Variants in LHFPL6 observed in about 807,000 individuals in gnomAD.
The protein encoded by LHFPL6 is LHFPL tetraspan subfamily member 6 protein.
LHFPL6 carries 9 observed loss-of-function variants against 20.6 expected under a neutral mutation model. That is an observed-to-expected ratio of 0.44 (90% CI 0.26 to 0.76). The LOEUF (loss-of-function observed/expected upper bound fraction) is 0.76, where lower values mean the gene tolerates loss of function less well. LHFPL6 is among the 30% of genes least tolerant of loss of function. The pLI, the probability that LHFPL6 is intolerant of heterozygous loss-of-function variation, is 0.20. For synonymous variants in LHFPL6, 105 were observed against 98.7 expected (o/e 1.06, Z -0.38); for missense variants, 218 against 253.5 (o/e 0.86, Z 0.95).
intron 2 of LHFPL6, among the ~76,000 whole-genome samples, chr13:39,497,570 T>C (rs756305218): frequency 1.3e-5 from 2 of 152,194 alleles, no homozygotes; most frequent in Non-Finnish European, 2.9e-5. Flanking sequence ...TATTCCTCTC[T>C]AGCAGTAAGA....
At chr13:39,421,147 T>C (rs577060528) in intron 2 of LHFPL6, among the ~76,000 whole-genome samples, 5 of 152,296 alleles carry the variant, frequency 3.3e-5, no homozygotes, top group African/African-American at 1.2e-4. Context: ...TTTACTCTCC[T>C]GTTATATCCC....
intron 2 of LHFPL6, among the ~76,000 whole-genome samples, chr13:39,431,549 T>C (rs2138405192): frequency 6.6e-6 from 1 of 152,288 alleles, no homozygotes. Context: ...TTCTTATTAC[T>C]TTGATGTCTA....
intron 2 of LHFPL6, among the ~76,000 whole-genome samples, chr13:39,401,820 A>C (rs1461480296): frequency 2.0e-5 from 3 of 152,230 alleles, no homozygotes; most frequent in African/African-American, 7.2e-5. Context: ...GCTGCTCCCC[A>C]GTAATGCCCT....
At chr13:39,346,630 A>AT (rs947340007) in intron 3 of LHFPL6, among the ~76,000 whole-genome samples, 1 of 152,088 alleles carries the variant, frequency 6.6e-6, no homozygotes, top group Non-Finnish European at 1.5e-5. Context: ...ACGCCCGATC[A>AT]TCCCCCAGGC....
At chr13:39,347,921 G>A (rs1869452356) in intron 3 of LHFPL6, among the ~76,000 whole-genome samples, 2 of 152,110 alleles carry the variant, frequency 1.3e-5, no homozygotes, top group South Asian at 4.1e-4. Context: ...ATAGTTCTAT[G>A]ACCTAACATG....
chr13:39,401,226 GCA>G (rs961223887), intron 2 of LHFPL6, among the ~76,000 whole-genome samples: 3 of 152,076 alleles, frequency 2.0e-5, no homozygotes, highest in East Asian at 3.9e-4. Context: ...TTAGAAATGC[GCA>G]CACAGACACC....
chr13:39,592,708 A>G (rs539964044), intron 2 of LHFPL6, among the ~76,000 whole-genome samples: 192 of 152,342 alleles, frequency 1.3e-3, no homozygotes, highest in Admixed American at 2.7e-3. Context: ...ATGAACATAG[A>G]TGCAAAATTC....
intron 2 of LHFPL6, among the ~76,000 whole-genome samples, chr13:39,592,047 G>A (rs1872618922): frequency 6.7e-6 from 1 of 148,344 alleles, no homozygotes; most frequent in Non-Finnish European, 1.5e-5. Flanking sequence ...AGTGAGCCGA[G>A]ATCACACCAT....
intron 3 of LHFPL6, among the ~76,000 whole-genome samples, chr13:39,361,736 C>A (rs1297296886): frequency 1.3e-5 from 2 of 152,170 alleles, no homozygotes; most frequent in South Asian, 2.1e-4. Flanking sequence ...AGTTCCATTT[C>A]TTTTATTAAT....
chr13:39,374,311 T>C (rs1870232410), intron 3 of LHFPL6, among the ~76,000 whole-genome samples: 2 of 152,080 alleles, frequency 1.3e-5, no homozygotes, highest in Admixed American at 1.3e-4. Flanking sequence ...TTTATATTAA[T>C]AAGTGGGAGC....
At chr13:39,431,078 C>T (rs1393082543) in intron 2 of LHFPL6, among the ~76,000 whole-genome samples, 1 of 152,112 alleles carries the variant, frequency 6.6e-6, no homozygotes, top group Non-Finnish European at 1.5e-5. Context: ...AAAACAACTC[C>T]AGACACGCCA....
chr13:39,358,752 C>G (rs1422023835), intron 3 of LHFPL6, among the ~76,000 whole-genome samples: 2 of 152,140 alleles, frequency 1.3e-5, no homozygotes, highest in African/African-American at 4.8e-5. Flanking sequence ...AAACTTCTCA[C>G]AAGAAGATAT....
chr13:39,386,416 C>T (rs1478561542), intron 2 of LHFPL6, among the ~76,000 whole-genome samples: 1 of 152,186 alleles, frequency 6.6e-6, no homozygotes, highest in Non-Finnish European at 1.5e-5. Context: ...GTAAACCACA[C>T]CTCCTATCAA....
At chr13:39,430,170 T>C (rs925515245) in intron 2 of LHFPL6, among the ~76,000 whole-genome samples, 9 of 152,212 alleles carry the variant, frequency 5.9e-5, no homozygotes, top group African/African-American at 1.9e-4. Context: ...CCTTTAGGAC[T>C]GAACCACTCA....
chr13:39,485,643 T>C (rs138599601), intron 2 of LHFPL6, among the ~76,000 whole-genome samples: 399 of 152,216 alleles, frequency 2.6e-3, no homozygotes, highest in African/African-American at 8.7e-3. Flanking sequence ...CCACTATGAA[T>C]AATCAAGAGC....
At chr13:39,480,631 G>C (rs1868479318) in intron 2 of LHFPL6, among the ~76,000 whole-genome samples, 1 of 152,098 alleles carries the variant, frequency 6.6e-6, no homozygotes, top group South Asian at 2.1e-4. Flanking sequence ...CCCTCTCATG[G>C]GGACTCCTTG....
At chr13:39,348,626 C>A (rs1365460172) in intron 3 of LHFPL6, among the ~76,000 whole-genome samples, 1 of 152,172 alleles carries the variant, frequency 6.6e-6, no homozygotes, top group Non-Finnish European at 1.5e-5. Flanking sequence ...TCTCAGGATG[C>A]ACTCTGGGGA....
At chr13:39,487,687 G>A (rs1868771524) in intron 2 of LHFPL6, among the ~76,000 whole-genome samples, 1 of 152,160 alleles carries the variant, frequency 6.6e-6, no homozygotes, top group Non-Finnish European at 1.5e-5. Flanking sequence ...TTATTTTGTG[G>A]ACAAGACTTT....
chr13:39,482,382 G>T (rs1195159699), intron 2 of LHFPL6, among the ~76,000 whole-genome samples: 1 of 151,940 alleles, frequency 6.6e-6, no homozygotes, highest in African/African-American at 2.4e-5. Flanking sequence ...GGTGGAGGTT[G>T]TGGTGAGCCA....
Sources: allele counts gnomAD v4.1 joint callset (sites outside exome capture counted in the v4.1 genomes callset), GRCh38; gene constraint gnomAD v4.1.1; transcripts MANE v1.5; gene names NCBI Gene and HGNC (gene_info 2026-07-23, HGNC 2026-07-21).